The following OSBPL3 variants were observed in gnomAD, a reference collection of about 807,000 sequenced individuals.
OSBPL3 encodes the protein oxysterol binding protein like 3.
A neutral mutation model predicts 120.1 loss-of-function variants in OSBPL3; 65 were observed. That is an observed-to-expected ratio of 0.54 (90% CI 0.44 to 0.67). OSBPL3 has a LOEUF of 0.67. Among genes scored for constraint, OSBPL3 ranks in the 30% least tolerant of loss-of-function variants. OSBPL3 has a pLI of 0.00. For synonymous variants in OSBPL3, 416 were observed against 402.6 expected (o/e 1.03, Z -0.40); for missense variants, 1,004 against 1,082.1 (o/e 0.93, Z 1.01).
rs970245380 is a variant in OSBPL3 at position 24,979,973 on chromosome 7, G to C, written c.-237C>G. 1.0e-6 allele frequency: 1 copy of C among 985,226 alleles called. No individual in the cohort carries two copies. Among genetic ancestry groups the C allele is most frequent in the African/African-American group, 1.7e-5 (1 of 57,210 alleles). The allele number at this position is 985,226 out of a possible 1,614,324, so 61.0% of individuals were successfully genotyped here. On this transcript the variant is annotated 5_prime_UTR_variant, in exon 1 of 23. Transcript: ENST00000313367. The stretch of plus-strand genomic sequence containing the variant: ...ACAGAACCGGGAGAAGGCAACCCCG[G>C]CTTCTCCGGTACCCCCGCAACGTGC...
At position 24,845,411 on chromosome 7, in the gene OSBPL3, A is replaced by G. The variant is rs561410221; in HGVS notation, c.1267-2998T>C. On this transcript the variant is annotated intron_variant, in intron 12 of 22. Transcript: ENST00000313367. ...AAAAAAAAAAAAAAAAAAAAAAAAA[A>G]AAAGAAAACCCATACCTATCTGTAT... Among the ~76,000 whole-genome samples, 12 of 144,116 alleles carry G rather than the reference A, an allele frequency of 8.3e-5. No homozygotes were observed. In the South Asian group the frequency reaches 2.2e-3, roughly 27 times the overall value. The allele number at this position is 144,116 out of a possible 152,430, so 94.5% of individuals were successfully genotyped here. A position where few individuals can be genotyped will look rare whatever the true frequency, so the allele number is the denominator to read the frequency against.
At chr7:24,812,550 G>GTT (rs145555827) in intron 19 of OSBPL3, among the ~76,000 whole-genome samples, 2 of 151,654 alleles carry the variant, frequency 1.3e-5, no homozygotes, top group South Asian at 2.1e-4. Context: ...CCTAGAGTTG[G>GTT]TTTTTTTTGT....
rs1802399316 is a variant in OSBPL3, at chr7:24,873,170, G to A, written c.97-1101C>T. Among the ~76,000 whole-genome samples, 1 of 152,224 alleles carries A rather than the reference G, an allele frequency of 6.6e-6. No individual in the cohort carries two copies. Among genetic ancestry groups the A allele is most frequent in the African/African-American group, 2.4e-5 (1 of 41,450 alleles). On this transcript the variant is annotated intron_variant, in intron 2 of 22. Transcript: ENST00000313367. This position sits in a 1 kb window ranked among gnomAD's most constrained non-coding sequence, Gnocchi z 4.1. ...CTTTGAGTCAAATCTCCAGCCCACA[G>A]GCAGGTGGTACAGGCAGAAGCCAAG... is the stretch of plus-strand genomic sequence containing the variant.
chr7:24,921,145 TG>T (rs1810330449), intron 1 of OSBPL3, among the ~76,000 whole-genome samples: 1 of 152,136 alleles, frequency 6.6e-6, no homozygotes, highest in Non-Finnish European at 1.5e-5. Flanking sequence ...CTGAAACAAT[TG>T]GTTGATCTTT....
rs12670857 is a variant in OSBPL3, at chr7:24,871,548, C to G, written c.267+194G>C. 6.6e-6 allele frequency among the ~76,000 whole-genome samples: 1 copy of G among 152,060 alleles called. No homozygotes were observed. The highest frequency in any genetic ancestry group is 2.4e-5 in the African/African-American group (1 of 41,382). ...ACTTTTGCATGCCCAGAGAGTGTTG[C>G]GGGAGCCCCTGCACCTTGACCTGGT... On this transcript the variant is annotated intron_variant, in intron 4 of 22. Transcript: ENST00000313367. This position sits in a 1 kb window ranked among gnomAD's most constrained non-coding sequence, Gnocchi z 4.8.
At chr7:24,941,398 C>T (rs578203984) in intron 1 of OSBPL3, among the ~76,000 whole-genome samples, 1 of 152,092 alleles carries the variant, frequency 6.6e-6, no homozygotes, top group South Asian at 2.1e-4. Flanking sequence ...TCCTGCTGCT[C>T]CCTGCCAGGT....
At chr7:24,905,078 A>G (rs991392827) in intron 1 of OSBPL3, among the ~76,000 whole-genome samples, 1 of 151,536 alleles carries the variant, frequency 6.6e-6, no homozygotes, top group Non-Finnish European at 1.5e-5. Flanking sequence ...AAGGCTTGCA[A>G]ACAGCAGTGG....
At position 24,913,292 on chromosome 7, in the gene OSBPL3, A is replaced by G. The variant is rs1809098225; in HGVS notation, c.-149-20671T>C. 6.6e-6 allele frequency among the ~76,000 whole-genome samples: 1 copy of G among 152,184 alleles called. No homozygotes were observed. The highest frequency in any genetic ancestry group is 1.9e-4 in the East Asian group (1 of 5,200). On this transcript the variant is annotated intron_variant, in intron 1 of 22. Coordinates refer to ENST00000313367, the MANE Select transcript of OSBPL3 (RefSeq NM_015550.4). This position sits in a 1 kb window ranked among gnomAD's most constrained non-coding sequence, Gnocchi z 5.3. ...TAGATCGCTGAAACCCCAGGCAGGAAGCCCTGGCAGACCTCCAGACTCAGC... is the reference window on the plus strand; with the variant it reads ...TAGATCGCTGAAACCCCAGGCAGGAGGCCCTGGCAGACCTCCAGACTCAGC...
Position 24,881,227 on chromosome 7 carries a change from T to C in OSBPL3, c.97-9158A>G, listed in dbSNP as rs1803642250. ...GCAGAAGTTTAGCACAATAAACTCTTCTTTATCTTGATCCAAATCAGAAGT... is the reference window on the plus strand; with the variant it reads ...GCAGAAGTTTAGCACAATAAACTCTCCTTTATCTTGATCCAAATCAGAAGT... On this transcript the variant is annotated intron_variant, in intron 2 of 22. Coordinates refer to ENST00000313367, the MANE Select transcript of OSBPL3 (RefSeq NM_015550.4). This position sits in a 1 kb window ranked among gnomAD's most constrained non-coding sequence, Gnocchi z 4.3. 6.6e-6 allele frequency among the ~76,000 whole-genome samples: 1 copy of C among 152,242 alleles called. No homozygotes were observed. Among genetic ancestry groups the C allele is most frequent in the Admixed American group, 6.5e-5 (1 of 15,282 alleles).
chr7:24,856,599 G>T (rs552133238), intron 10 of OSBPL3, among the ~76,000 whole-genome samples: 36 of 152,270 alleles, frequency 2.4e-4, no homozygotes, highest in African/African-American at 8.7e-4. Context: ...ACACTTAGTT[G>T]CAGCTGCCAT....
rs971670683 is a variant in OSBPL3 at position 24,827,700 on chromosome 7, T to C, written c.1884+3068A>G. Among the ~76,000 whole-genome samples, 1 of 152,228 alleles carries C rather than the reference T, an allele frequency of 6.6e-6. No homozygotes were observed. The highest frequency in any genetic ancestry group is 1.5e-5 in the Non-Finnish European group (1 of 68,046). The stretch of plus-strand genomic sequence containing the variant: ...AATTTATCCCTGAGAGACTCATCCA[T>C]TCTTAGGTATATTAAAATAACCAAC... On this transcript the variant is annotated intron_variant, in intron 16 of 22. Coordinates refer to ENST00000313367, the MANE Select transcript of OSBPL3 (RefSeq NM_015550.4). The surrounding 1 kb of genome is among the most constrained non-coding windows in gnomAD (Gnocchi z 5.1).
rs1399830891 is a variant in OSBPL3 at position 24,972,504 on chromosome 7, T to A, written c.-150+7382A>T. On this transcript the variant is annotated intron_variant, in intron 1 of 22. Coordinates refer to ENST00000313367, the MANE Select transcript of OSBPL3 (RefSeq NM_015550.4). This position sits in a 1 kb window ranked among gnomAD's most constrained non-coding sequence, Gnocchi z 4.3. ...TCTCTGCAACTCTTTAATGTCTATA[T>A]CCCCTTCTAGTCTGTAAGCTCCTTG... Among the ~76,000 whole-genome samples the A allele has an allele frequency of 6.6e-6, 1 of 152,198 alleles. No homozygotes were observed. The highest frequency in any genetic ancestry group is 1.9e-4 in the East Asian group (1 of 5,202).
In OSBPL3 at chr7:24,821,811, T is replaced by G. The variant is rs1341272487; in HGVS notation, c.1885-1573A>C. Among the ~76,000 whole-genome samples, 1 of 152,196 alleles carries G rather than the reference T, an allele frequency of 6.6e-6. No individual in the cohort carries two copies. Among genetic ancestry groups the G allele is most frequent in the Non-Finnish European group, 1.5e-5 (1 of 68,028 alleles). ...CCTGTGGGATTTTCAAGGGCAACTT[T>G]CACTTCAAGCACTGACTTAGAAACC... On this transcript the variant is annotated intron_variant, in intron 16 of 22. Coordinates refer to ENST00000313367, the MANE Select transcript of OSBPL3 (RefSeq NM_015550.4). The surrounding 1 kb of genome is among the most constrained non-coding windows in gnomAD (Gnocchi z 5.5).
chr7:24,958,179 C>T (rs1273205030), intron 1 of OSBPL3, among the ~76,000 whole-genome samples: 18 of 152,092 alleles, frequency 1.2e-4, no homozygotes, highest in Admixed American at 1.2e-3. Context: ...GAGCAATTTA[C>T]TCTCCTGCCA....
At position 24,866,077 on chromosome 7, in the gene OSBPL3, C is replaced by T; in HGVS notation, c.542G>A (p.Ser181Asn). ...SSSGVFDSIS[S>N]RKRSSISKQN... ...TGGCAAAACACTCATTACCTTCCTA[C>T]TTGAAATGGAGTCAAACACCCCAGA... The change falls in exon 6 of 23, where the codon AGT (serine) becomes AAT (asparagine). Residue 181 changes from serine to asparagine, a missense_variant. Transcript: ENST00000313367. The T allele has an allele frequency of 6.2e-7, 1 of 1,613,398 alleles. No individual in the cohort carries two copies. The highest frequency in any genetic ancestry group is 8.5e-7 in the Non-Finnish European group (1 of 1,179,388).
chr7:24,866,305 A>T, intron 5 of OSBPL3, 68 bp from the exon 6 acceptor site: 1 of 1,141,338 alleles, frequency 8.8e-7, no homozygotes, highest in Non-Finnish European at 1.3e-6. Context: ...TTACTCATCA[A>T]ATTGAGGCCA....
chr7:24,944,486 C>T (rs1209496338), intron 1 of OSBPL3, among the ~76,000 whole-genome samples: 6 of 151,940 alleles, frequency 3.9e-5, no homozygotes, highest in Non-Finnish European at 8.8e-5. Context: ...AAAAATTAGC[C>T]GGGCATGGTG....
rs117454430 is a variant in OSBPL3 at position 24,899,644 on chromosome 7, C to G, written c.-149-7023G>C. On this transcript the variant is annotated intron_variant, in intron 1 of 22. Transcript: ENST00000313367. The surrounding 1 kb of genome is among the most constrained non-coding windows in gnomAD (Gnocchi z 4.0). Reference sequence around the variant, plus strand: ...TAAATTATACTTGGAGATTTAGTAACGAGAAGAGCACCAAGGGCATGGAGG... The same window carrying G: ...TAAATTATACTTGGAGATTTAGTAAGGAGAAGAGCACCAAGGGCATGGAGG... 1.3e-3 allele frequency among the ~76,000 whole-genome samples: 203 copies of G among 152,090 alleles called. 1 individual carries two copies. The highest frequency in any genetic ancestry group is 2.3e-3 in the Admixed American group (35 of 15,262).
intron 18 of OSBPL3, among the ~76,000 whole-genome samples, 197 bp downstream of exon 18, chr7:24,816,413 T>C (rs10215692): frequency 0.12 from 17,726 of 152,148 alleles, 1,345 homozygotes; most frequent in East Asian, 0.24. Context: ...CCAGGAGGCA[T>C]TTCCATTTGA....
Sources: allele counts gnomAD v4.1 joint callset (sites outside exome capture counted in the v4.1 genomes callset), GRCh38; gene constraint gnomAD v4.1.1; non-coding constraint Gnocchi (gnomAD v3.1); transcripts MANE v1.5; gene names NCBI Gene and HGNC (gene_info 2026-07-23, HGNC 2026-07-21).